Variants in ANK3 observed in about 807,000 individuals in gnomAD.
The protein encoded by ANK3 is ankyrin-3.
ANK3 carries 57 observed loss-of-function variants against 370.9 expected under a neutral mutation model. The ratio of observed to expected loss-of-function variants is 0.15; its 90% CI spans 0.12 to 0.19. The LOEUF (loss-of-function observed/expected upper bound fraction) is 0.19, where lower values mean the gene tolerates loss of function less well. ANK3 is among the 10% of genes least tolerant of loss of function. ANK3 has a pLI of 1.00. For missense variants in ANK3, 4,439 were observed against 5,302.1 expected, an observed-to-expected ratio of 0.84 and a Z score of 5.06; for synonymous variants, 1,929 against 1,946.3, an observed-to-expected ratio of 0.99 and a Z score of 0.23.
chr10:60,239,918 T>C (rs981362697), intron 7 of ANK3, among the ~76,000 whole-genome samples: 2 of 151,668 alleles, frequency 1.3e-5, no homozygotes, highest in African/African-American at 2.4e-5. Flanking sequence ...TTATTAAAGA[T>C]ATCAAACTAT....
At chr10:60,083,804 G>A in intron 32 of ANK3, 187 bp from the exon 33 acceptor site, 2 of 522,670 alleles carry the variant, frequency 3.8e-6, no homozygotes, top group Non-Finnish European at 6.8e-6. Context: ...AACTGTAATT[G>A]GAATCCATAT....
chr10:60,474,476 G>T (rs1306596607), intron 2 of ANK3, among the ~76,000 whole-genome samples: 1 of 152,178 alleles, frequency 6.6e-6, no homozygotes, highest in African/African-American at 2.4e-5. Flanking sequence ...GGGGGTCAGT[G>T]ATAGGAACAA....
chr10:60,140,443 T>C, intron 23 of ANK3: 1 of 1,612,120 alleles, frequency 6.2e-7, no homozygotes, highest in Non-Finnish European at 8.5e-7. Flanking sequence ...AGAATCAACC[T>C]CCAAAACAGC....
chr10:60,410,036 C>G lies in ANK3; in HGVS notation c.97-130397G>C, dbSNP rs2063527987. Among the ~76,000 whole-genome samples the G allele has an allele frequency of 1.3e-5, 2 of 152,092 alleles. 1 individual carries two copies. Among genetic ancestry groups the G allele is most frequent in the South Asian group, 4.1e-4 (2 of 4,820 alleles). On this transcript the variant is annotated intron_variant, in intron 2 of 43. Transcript: ENST00000373827. Reference sequence around the variant, plus strand: ...TCCCCTCTCCACCTAGATTATGCCTCCACAGTCTCCAAGAATCAGCTCAAG... The same window carrying G: ...TCCCCTCTCCACCTAGATTATGCCTGCACAGTCTCCAAGAATCAGCTCAAG...
At chr10:60,695,913 G>C (rs2079441492) in intron 1 of ANK3, among the ~76,000 whole-genome samples, 1 of 151,140 alleles carries the variant, frequency 6.6e-6, no homozygotes, top group African/African-American at 2.4e-5. Context: ...GAGCAGAACT[G>C]AAGGAAATAG....
At chr10:60,153,964 T>C (rs1217645701) in intron 23 of ANK3, among the ~76,000 whole-genome samples, 1 of 152,208 alleles carries the variant, frequency 6.6e-6, no homozygotes, top group Non-Finnish European at 1.5e-5. Flanking sequence ...TTCATGTTGA[T>C]GCAACCGATC....
chr10:60,640,023 T>C (rs563390259), intron 1 of ANK3, among the ~76,000 whole-genome samples: 33 of 151,952 alleles, frequency 2.2e-4, no homozygotes, highest in African/African-American at 7.2e-4. Context: ...AGATAGATCA[T>C]ACAAATACTA....
At chr10:60,167,963 G>C (rs12267467) in intron 21 of ANK3, among the ~76,000 whole-genome samples, 1,835 of 152,188 alleles carry the variant, frequency 0.012, 44 homozygotes, top group African/African-American at 0.042. Context: ...TAATTGTGAA[G>C]ATAGTATAGA....
At chr10:60,616,854 T>C (rs1169913532) in intron 1 of ANK3, among the ~76,000 whole-genome samples, 1 of 152,174 alleles carries the variant, frequency 6.6e-6, no homozygotes, top group East Asian at 1.9e-4. Context: ...TTCACAAATA[T>C]ATCTTAGCAT....
At chr10:60,282,321 T>C (rs2098175788) in intron 1 of ANK3, among the ~76,000 whole-genome samples, 1 of 152,186 alleles carries the variant, frequency 6.6e-6, no homozygotes, top group African/African-American at 2.4e-5. Context: ...TGGAAAGATT[T>C]AATAATTCCA....
intron 1 of ANK3, chr10:60,733,183 C>T: frequency 1.7e-6 from 2 of 1,198,542 alleles, no homozygotes; most frequent in Non-Finnish European, 2.1e-6. Context: ...GGCCCCCCGG[C>T]CCGGGCCTCC....
chr10:60,051,598 A>C, intron 42 of ANK3: 1 of 890,990 alleles, frequency 1.1e-6, no homozygotes, highest in Non-Finnish European at 1.3e-6. Flanking sequence ...TTACCATCAC[A>C]CTTAAAATAA....
intron 17 of ANK3, among the ~76,000 whole-genome samples, chr10:60,183,960 AT>A (rs1417148538): frequency 6.6e-6 from 1 of 152,168 alleles, no homozygotes; most frequent in East Asian, 1.9e-4. Flanking sequence ...AAATATAAGC[AT>A]TGGGGTCTGC....
chr10:60,210,819 G>A (rs903459514), intron 9 of ANK3, among the ~76,000 whole-genome samples: 3 of 152,152 alleles, frequency 2.0e-5, no homozygotes, highest in Non-Finnish European at 2.9e-5. Context: ...GAGAGAGGCT[G>A]AAACCTAAGT....
At chr10:60,153,994 C>T (rs1180344947) in intron 23 of ANK3, among the ~76,000 whole-genome samples, 1 of 152,114 alleles carries the variant, frequency 6.6e-6, no homozygotes, top group Admixed American at 6.5e-5. Context: ...TTGAAGATCT[C>T]TGTGTACCAA....
At chr10:60,094,181 ATTTTTTTT>A (rs1169437967) in intron 28 of ANK3, among the ~76,000 whole-genome samples, 2 of 116,390 alleles carry the variant, frequency 1.7e-5, no homozygotes, top group Non-Finnish European at 3.5e-5. Flanking sequence ...ACAGTATTCT[ATTTTTTTT>A]TTTTTTTTTT....
intron 2 of ANK3, among the ~76,000 whole-genome samples, chr10:60,533,057 T>C (rs1251943390): frequency 6.6e-6 from 1 of 152,122 alleles, no homozygotes; most frequent in Non-Finnish European, 1.5e-5. Context: ...GCATTTCTTG[T>C]GTGTGAACTT....
At chr10:60,240,165 C>CAT (rs1185317188) in intron 7 of ANK3, among the ~76,000 whole-genome samples, 13 of 130,096 alleles carry the variant, frequency 1.0e-4, no homozygotes, top group Admixed American at 3.1e-4. Flanking sequence ...CATATATACA[C>CAT]ATATATATAC....
At chr10:60,689,624 T>C (rs2079320945) in intron 1 of ANK3, among the ~76,000 whole-genome samples, 1 of 151,538 alleles carries the variant, frequency 6.6e-6, no homozygotes, top group East Asian at 1.9e-4. Context: ...TGGTGTCGAG[T>C]GCCTGTAATC....
Sources: allele counts gnomAD v4.1 joint callset (sites outside exome capture counted in the v4.1 genomes callset), GRCh38; gene constraint gnomAD v4.1.1; transcripts MANE v1.5; gene names NCBI Gene and HGNC (gene_info 2026-07-23, HGNC 2026-07-21).